The following TRIM24 variants were observed in gnomAD, a reference collection of about 807,000 sequenced individuals.
The protein encoded by TRIM24 is transcription intermediary factor 1-alpha.
In TRIM24, 29 loss-of-function variants were observed where a neutral mutation model predicts 123.9. The observed-to-expected ratio is 0.23, with a 90% CI of 0.17 to 0.32. TRIM24 has a LOEUF of 0.32. Among genes scored for constraint, TRIM24 ranks in the 10% least tolerant of loss-of-function variants. TRIM24 has a pLI of 1.00. For synonymous variants in TRIM24, 456 were observed against 461.1 expected, an observed-to-expected ratio of 0.99 and a Z score of 0.14; for missense variants, 932 against 1,295.3, an observed-to-expected ratio of 0.72 and a Z score of 4.31.
chr7:138,503,919 A>G (rs984971656), intron 1 of TRIM24, among the ~76,000 whole-genome samples: 2 of 152,172 alleles, frequency 1.3e-5, no homozygotes, highest in Admixed American at 6.5e-5. Context: ...CAGAAATCCT[A>G]ATTTTGCAGA....
chr7:138,514,797 A>G (rs1796362559), intron 2 of TRIM24: 1 of 155,460 alleles, frequency 6.4e-6, no homozygotes, highest in Non-Finnish European at 1.4e-5. Flanking sequence ...TATTACCCTC[A>G]TATTAAAGAT....
At chr7:138,527,360 T>C (rs566013412) in intron 5 of TRIM24, among the ~76,000 whole-genome samples, 58 of 152,362 alleles carry the variant, frequency 3.8e-4, no homozygotes, top group African/African-American at 1.2e-3. Context: ...AAACAATCTT[T>C]GTTAAGTGCA....
At chr7:138,481,828 A>G (rs1005282357) in intron 1 of TRIM24, among the ~76,000 whole-genome samples, 4 of 152,104 alleles carry the variant, frequency 2.6e-5, no homozygotes, top group Non-Finnish European at 5.9e-5. Flanking sequence ...AAAAAGAAAA[A>G]AGAAAATATT....
chr7:138,547,941 G>C (rs1316700641), intron 7 of TRIM24, among the ~76,000 whole-genome samples: 1 of 152,184 alleles, frequency 6.6e-6, no homozygotes, highest in East Asian at 1.9e-4. Context: ...ACCGTGCCTG[G>C]CCTATACGTA....
rs150240956 is a variant in TRIM24 at position 138,561,251 on chromosome 7, G to A, written c.1531-6230G>A. Among the ~76,000 whole-genome samples, 496 of 152,182 alleles carry A rather than the reference G, an allele frequency of 3.3e-3. 9 individuals carry two copies. In the East Asian group the frequency reaches 0.042, roughly 13 times the overall value. The stretch of plus-strand genomic sequence containing the variant: ...GTTACTACTGCATACCCAGCCTGCC[G>A]GACCCCTTCCAATACAAAATTGCTT... On this transcript the variant is annotated intron_variant, in intron 9 of 18. Coordinates refer to ENST00000343526, the MANE Select transcript of TRIM24 (RefSeq NM_015905.3).
intron 1 of TRIM24, among the ~76,000 whole-genome samples, chr7:138,468,475 A>G (rs1319426887): frequency 6.6e-6 from 1 of 150,902 alleles, no homozygotes; most frequent in Non-Finnish European, 1.5e-5. Context: ...TGTTTTTTTA[A>G]TCTATGTGTT....
At chr7:138,520,827 C>A (rs1487143887) in intron 4 of TRIM24, among the ~76,000 whole-genome samples, 1 of 152,146 alleles carries the variant, frequency 6.6e-6, no homozygotes. Context: ...GAAGCATCAT[C>A]AGCAAGAGGA....
rs200613942 is a variant in TRIM24, at chr7:138,584,957, A to G, written c.*6A>G. On this transcript the variant is annotated 3_prime_UTR_variant, in exon 19 of 19. Coordinates refer to ENST00000343526, the MANE Select transcript of TRIM24 (RefSeq NM_015905.3). ...AACGCCAGTTGCTTAAATAATATGC[A>G]GCACCACTAGCTTGTGCTGGTTTTT... 5.9e-5 allele frequency: 94 copies of G among 1,599,290 alleles called. No individual in the cohort carries two copies. The highest frequency in any genetic ancestry group is 7.5e-5 in the Non-Finnish European group (88 of 1,175,622).
At chr7:138,476,431 A>T (rs1341913980) in intron 1 of TRIM24, among the ~76,000 whole-genome samples, 1 of 151,846 alleles carries the variant, frequency 6.6e-6, no homozygotes, top group Non-Finnish European at 1.5e-5. Context: ...TGTCTCTACT[A>T]AAAATACAAA....
At chr7:138,576,925 C>T (rs1483822075) in intron 13 of TRIM24, among the ~76,000 whole-genome samples, 1 of 152,164 alleles carries the variant, frequency 6.6e-6, no homozygotes, top group Non-Finnish European at 1.5e-5. Context: ...CTTACTTTAT[C>T]ATATGGAAGA....
chr7:138,468,929 A>G (rs562612652), intron 1 of TRIM24, among the ~76,000 whole-genome samples: 7 of 152,226 alleles, frequency 4.6e-5, no homozygotes, highest in Admixed American at 4.6e-4. Context: ...CTGTAGCTCC[A>G]TGAACCATGA....
rs1420310834 is a variant in TRIM24 at position 138,586,987 on chromosome 7, T to C, written c.*2036T>C. On this transcript the variant is annotated 3_prime_UTR_variant, in exon 19 of 19. Transcript: ENST00000343526. Reference sequence around the variant, plus strand: ...TTTCAAAACAGTATTTGTTTCACCCTAACCATCTTTGGCTGAATGAAAGGC... The same window carrying C: ...TTTCAAAACAGTATTTGTTTCACCCCAACCATCTTTGGCTGAATGAAAGGC... 5.3e-5 allele frequency: 8 copies of C among 152,216 alleles called. No homozygotes were observed. Among genetic ancestry groups the C allele is most frequent in the Non-Finnish European group, 2.9e-5 (2 of 68,044 alleles). The allele number at this position is 152,216 out of a possible 1,614,324, so 9.4% of individuals were successfully genotyped here. A position where few individuals can be genotyped will look rare whatever the true frequency, so the allele number is the denominator to read the frequency against.
At chr7:138,474,369 C>G (rs1381517487) in intron 1 of TRIM24, among the ~76,000 whole-genome samples, 1 of 152,120 alleles carries the variant, frequency 6.6e-6, no homozygotes, top group Non-Finnish European at 1.5e-5. Flanking sequence ...TCGTGATCTA[C>G]CCGCCTCAGC....
At chr7:138,503,433 T>G (rs1796082391) in intron 1 of TRIM24, among the ~76,000 whole-genome samples, 1 of 152,080 alleles carries the variant, frequency 6.6e-6, no homozygotes, top group African/African-American at 2.4e-5. Context: ...TCTAAGTACT[T>G]AATATATTTT....
chr7:138,544,058 G>C (rs1385668052), intron 7 of TRIM24, among the ~76,000 whole-genome samples: 5 of 152,054 alleles, frequency 3.3e-5, no homozygotes, highest in African/African-American at 1.2e-4. Flanking sequence ...TGAACTACAG[G>C]TGTGAGCCAC....
chr7:138,504,435 T>C, intron 2 of TRIM24, 27 bp downstream of exon 2: 2 of 1,095,496 alleles, frequency 1.8e-6, no homozygotes, highest in Non-Finnish European at 1.3e-6. Context: ...TTGAACCTTT[T>C]GCCTGCCAGC....
intron 4 of TRIM24, among the ~76,000 whole-genome samples, chr7:138,524,738 A>G (rs1465033043): frequency 2.0e-5 from 3 of 152,106 alleles, no homozygotes; most frequent in Non-Finnish European, 2.9e-5. Flanking sequence ...AAAGTGCTGT[A>G]TCTCATTATA....
At chr7:138,575,130 A>AAAAG (rs1412217352) in intron 12 of TRIM24, among the ~76,000 whole-genome samples, 1 of 152,220 alleles carries the variant, frequency 6.6e-6, no homozygotes, top group East Asian at 1.9e-4. Context: ...AGAACCATAT[A>AAAAG]AAAGATGTAA....
chr7:138,530,007 C>CATT (rs1330457046), intron 6 of TRIM24, among the ~76,000 whole-genome samples: 2 of 151,984 alleles, frequency 1.3e-5, no homozygotes, highest in Admixed American at 1.3e-4. Context: ...TTAGGTCATC[C>CATT]TTTTTATATC....
Sources: gnomAD v4.1 joint callset for allele counts (sites outside exome capture counted in the v4.1 genomes callset) on GRCh38, gnomAD v4.1.1 for gene constraint, MANE v1.5 for transcripts, NCBI Gene and HGNC (gene_info 2026-07-23, HGNC 2026-07-21) for gene names.